CHRNA7: variants seen among roughly 807,000 people sequenced by gnomAD.
CHRNA7 encodes the protein neuronal acetylcholine receptor subunit alpha-7.
A neutral mutation model predicts 48.0 loss-of-function variants in CHRNA7; 17 were observed. The ratio of observed to expected loss-of-function variants is 0.35; its 90% CI spans 0.24 to 0.53. CHRNA7 has a LOEUF of 0.53. Among genes scored for constraint, CHRNA7 ranks in the 20% least tolerant of loss-of-function variants. CHRNA7 has a pLI of 0.92. For missense variants in CHRNA7, 155 were observed against 577.7 expected, an observed-to-expected ratio of 0.27 and a Z score of 7.50; for synonymous variants, 75 against 242.3, an observed-to-expected ratio of 0.31 and a Z score of 6.41.
At chr15:32,128,318 A>G (rs2051102776) in intron 4 of CHRNA7, among the ~76,000 whole-genome samples, 1 of 151,946 alleles carries the variant, frequency 6.6e-6, no homozygotes, top group Admixed American at 6.6e-5. Flanking sequence ...TTGTGTATCC[A>G]TATGTACAAA....
intron 2 of CHRNA7, among the ~76,000 whole-genome samples, chr15:32,086,858 TTATCA>T (rs1267866282): frequency 1.3e-5 from 2 of 152,214 alleles, no homozygotes; most frequent in East Asian, 1.9e-4. Flanking sequence ...GTATTATATG[TTATCA>T]TATCATATCC....
intron 2 of CHRNA7, among the ~76,000 whole-genome samples, chr15:32,085,217 A>G (rs374324939): frequency 2.0e-5 from 3 of 152,136 alleles, no homozygotes; most frequent in African/African-American, 7.2e-5. Flanking sequence ...AGCATCTGCA[A>G]ACTTAGAAAG....
intron 3 of CHRNA7, 36 bp downstream of exon 3, chr15:32,101,383 G>GC (rs2050569742): frequency 1.9e-6 from 3 of 1,555,610 alleles, no homozygotes; most frequent in Non-Finnish European, 2.6e-6. Flanking sequence ...CCCATGGGCT[G>GC]CAAGATCTTG....
At position 32,078,113 on chromosome 15, in the gene CHRNA7, T is replaced by C. The variant is rs959980843; in HGVS notation, c.196-23190T>C. ...AATTTTAAGCACTGTTTGATGTTTT[T>C]GTATAACAGTCCTTTATCTGATTTG... On this transcript the variant is annotated intron_variant, in intron 2 of 9. Transcript: ENST00000306901. Among the ~76,000 whole-genome samples the C allele has an allele frequency of 2.0e-5, 3 of 152,348 alleles. No individual in the cohort carries two copies. In the East Asian group the frequency reaches 5.8e-4, roughly 29 times the overall value.
intron 2 of CHRNA7, among the ~76,000 whole-genome samples, chr15:32,084,234 A>G (rs12914788): frequency 1.3e-5 from 2 of 152,104 alleles, no homozygotes; most frequent in Non-Finnish European, 2.9e-5. Context: ...ACTTCTTAGA[A>G]TCCTTGTGAC....
chr15:32,089,464 T>G (rs1325725074), intron 2 of CHRNA7, among the ~76,000 whole-genome samples: 1 of 152,188 alleles, frequency 6.6e-6, no homozygotes, highest in Non-Finnish European at 1.5e-5. Flanking sequence ...TAAATTTCAT[T>G]TAACTTACAT....
intron 3 of CHRNA7, among the ~76,000 whole-genome samples, chr15:32,107,881 T>C (rs2050697147): frequency 1.3e-5 from 2 of 152,064 alleles, no homozygotes. Flanking sequence ...CTAAGTCACC[T>C]CATCAGCGTA....
At chr15:32,059,565 C>T (rs2049843208) in intron 2 of CHRNA7, among the ~76,000 whole-genome samples, 1 of 152,080 alleles carries the variant, frequency 6.6e-6, no homozygotes. Context: ...GTACCTCCCA[C>T]CACAGACTGG....
chr15:32,053,584 CCT>C (rs1302492646), intron 2 of CHRNA7, among the ~76,000 whole-genome samples: 2 of 152,078 alleles, frequency 1.3e-5, no homozygotes, highest in Non-Finnish European at 2.9e-5. Flanking sequence ...CACACACACC[CCT>C]GTTATCCTTA....
At chr15:32,055,706 G>A (rs1030964985) in intron 2 of CHRNA7, among the ~76,000 whole-genome samples, 13 of 152,156 alleles carry the variant, frequency 8.5e-5, no homozygotes, top group Non-Finnish European at 1.5e-4. Context: ...TTGGCCAGGC[G>A]TGGTGGCTCA....
chr15:32,075,653 T>C (rs1187589185), intron 2 of CHRNA7, among the ~76,000 whole-genome samples: 4 of 152,092 alleles, frequency 2.6e-5, no homozygotes, highest in African/African-American at 9.6e-5. Flanking sequence ...ACCAGCTCTT[T>C]GTATCATTGA....
rs2050001754 is a variant in CHRNA7, at chr15:32,068,499, C to A, written c.196-32804C>A. On this transcript the variant is annotated intron_variant, in intron 2 of 9. Transcript: ENST00000306901. Reference sequence around the variant, plus strand: ...AATAAATAGATGCAAAAAGATAATACCATGCAAACAGTAGTGAAGCTAGAG... The same window carrying A: ...AATAAATAGATGCAAAAAGATAATAACATGCAAACAGTAGTGAAGCTAGAG... Among the ~76,000 whole-genome samples, 2 of 152,056 alleles carry A rather than the reference C, an allele frequency of 1.3e-5. 1 individual carries two copies. Among genetic ancestry groups the A allele is most frequent in the Non-Finnish European group, 2.9e-5 (2 of 68,018 alleles).
chr15:32,086,891 T>C (rs1008148746), intron 2 of CHRNA7, among the ~76,000 whole-genome samples: 2 of 152,214 alleles, frequency 1.3e-5, no homozygotes, highest in East Asian at 1.9e-4. Flanking sequence ...ATAATATCAA[T>C]ATGACTTACT....
rs542931500 is a variant in CHRNA7 at position 32,115,622 on chromosome 15, C to T, written c.350+3723C>T. 1.4e-4 allele frequency among the ~76,000 whole-genome samples: 21 copies of T among 152,200 alleles called. No homozygotes were observed. The South Asian group carries it at 4.4e-3, about 32-fold the overall frequency. On this transcript the variant is annotated intron_variant, in intron 4 of 9. Transcript: ENST00000306901. ...GCGAGGAATGCCCACCCCTTAACTC[C>T]CAGTTAGCAAGGGAAACCTCCCTGA...
At position 32,170,074 on chromosome 15, in the gene CHRNA7, C is replaced by A. The variant is rs1595543421; in HGVS notation, c.*1616C>A. On this transcript the variant is annotated 3_prime_UTR_variant, in exon 10 of 10. Transcript: ENST00000306901. ...GCTCAGAGCTCAAAATTATAGAAGG[C>A]TTCTGAGCCCCTAGAGATTTTTAAT... 2 of 22,166 alleles carry A rather than the reference C, an allele frequency of 9.0e-5. No individual in the cohort carries two copies. The highest frequency in any genetic ancestry group is 2.6e-3 in the East Asian group (2 of 774). 1.4% of individuals were successfully genotyped at this position (22,166 alleles called of 1,614,324 possible). A position where few individuals can be genotyped will look rare whatever the true frequency, so the allele number is the denominator to read the frequency against.
At chr15:32,060,834 G>A (rs909598415) in intron 2 of CHRNA7, among the ~76,000 whole-genome samples, 2 of 152,212 alleles carry the variant, frequency 1.3e-5, no homozygotes, top group Non-Finnish European at 2.9e-5. Flanking sequence ...AAAACCATCT[G>A]CGGCGGGAGG....
chr15:32,136,827 C>T (rs761912582), intron 4 of CHRNA7, among the ~76,000 whole-genome samples: 1 of 150,848 alleles, frequency 6.6e-6, no homozygotes, highest in Non-Finnish European at 1.5e-5. Context: ...GTCAGGAGAT[C>T]GAGACCATCC....
intron 4 of CHRNA7, among the ~76,000 whole-genome samples, chr15:32,132,806 A>T (rs1296095958): frequency 1.3e-5 from 2 of 151,924 alleles, no homozygotes; most frequent in East Asian, 1.9e-4. Flanking sequence ...TAGCCGTATT[A>T]CCTCCTTATC....
At chr15:32,075,959 G>C (rs1489032351) in intron 2 of CHRNA7, among the ~76,000 whole-genome samples, 1 of 151,838 alleles carries the variant, frequency 6.6e-6, no homozygotes, top group Non-Finnish European at 1.5e-5. Flanking sequence ...AGATTACTTA[G>C]AATGTGTGTT....
Sources: gnomAD v4.1 joint callset for allele counts (sites outside exome capture counted in the v4.1 genomes callset) on GRCh38, gnomAD v4.1.1 for gene constraint, MANE v1.5 for transcripts, NCBI Gene and HGNC (gene_info 2026-07-23, HGNC 2026-07-21) for gene names.